The following TMEM132A variants were observed in gnomAD, a reference collection of about 807,000 sequenced individuals.
TMEM132A encodes the protein transmembrane protein 132A.
Under a neutral mutation model 69.9 loss-of-function variants are expected in TMEM132A, and 48 were observed. The ratio of observed to expected loss-of-function variants is 0.69; its 90% CI spans 0.55 to 0.87. The LOEUF (loss-of-function observed/expected upper bound fraction) is 0.87, where lower values mean the gene tolerates loss of function less well. Ranked by LOEUF, TMEM132A falls within the 40% of genes least tolerant of loss-of-function variation. The pLI is 0.00. For synonymous variants in TMEM132A, 577 were observed against 613.7 expected (o/e 0.94, Z 0.88); for missense variants, 1,287 against 1,407.2 (o/e 0.91, Z 1.37).
At chr11:60,930,461 A>G (rs1310880668) in intron 4 of TMEM132A, 49 bp from the exon 5 acceptor site, 1 of 1,519,222 alleles carries the variant, frequency 6.6e-7, no homozygotes, top group African/African-American at 1.4e-5. Flanking sequence ...AATCCAGCCC[A>G]CAGTTCAGCA....
In TMEM132A at chr11:60,930,740, A is replaced by G. The variant is rs1423092819; in HGVS notation, c.1016+81A>G. The G allele has an allele frequency of 5.8e-6, 8 of 1,370,948 alleles. No individual in the cohort carries two copies. In the Admixed American group the frequency reaches 1.0e-4, roughly 18 times the overall value. The allele number at this position is 1,370,948 out of a possible 1,614,324, so 84.9% of individuals were successfully genotyped here. ...CAGTTGAGCAGATTTGGAGGCTGCC[A>G]TGCTGCCTCTAGATCCCCAGGTGAG... On this transcript the variant is annotated intron_variant, in intron 5 of 10. Coordinates refer to ENST00000453848, the MANE Select transcript of TMEM132A (RefSeq NM_178031.3).
chr11:60,935,306 G>T lies in TMEM132A; in HGVS notation c.1891G>T (p.Asp631Tyr). 1 of 1,613,018 alleles carries T rather than the reference G, an allele frequency of 6.2e-7. No individual in the cohort carries two copies. The highest frequency in any genetic ancestry group is 8.5e-7 in the Non-Finnish European group (1 of 1,179,748). The change falls in exon 10 of 11, where the codon GAC becomes TAC. Residue 631 changes from aspartate (D) to tyrosine (Y), a missense_variant. By Grantham distance (160) the Asp-to-Tyr change is radical (BLOSUM62 -3). Transcript: ENST00000453848. This position sits in a 1 kb window ranked among gnomAD's most constrained non-coding sequence, Gnocchi z 5.0. ...GGGGGAGCAGGCGCTGGCTGTGACG[G>T]ACGACAAGGTCTCAGTGCTGGAGCT... Reference protein sequence around the residue: ...ILGEQALAVTDDKVSVLELRV... With the variant: ...ILGEQALAVTYDKVSVLELRV...
chr11:60,927,646 C>A lies in TMEM132A; in HGVS notation c.321C>A (p.Val107=). The part of the protein sequence containing the change: ...SYPPFATQQV[V]PPRVTEPHQR... ...CCCTCTCATTCTCCCTCCAGGTGGT[C>A]CCCCCTCGAGTCACTGAGCCCCACC... The change falls in exon 3 of 11, where the codon GTC becomes GTA. Residue 107 remains valine, a synonymous_variant. Transcript: ENST00000453848. 6.2e-7 allele frequency: 1 copy of A among 1,608,226 alleles called. No homozygotes were observed.
Position 60,936,776 on chromosome 11 carries a change from G to A in TMEM132A, c.2941G>A (p.Val981Ile), listed in dbSNP as rs1430040661. The A allele has an allele frequency of 3.7e-6, 6 of 1,613,118 alleles. No homozygotes were observed. Among genetic ancestry groups the A allele is most frequent in the African/African-American group, 1.3e-5 (1 of 75,010 alleles). Residue 981 changes from valine to isoleucine, a missense_variant, in exon 11 of 11, where the codon GTA becomes ATA. Transcript: ENST00000453848. ...TCCAGCCCAGTCACCTGAGGAGCCTGTAGGGGCCCCTGCTGTGCAGTCCAT... is the reference window on the plus strand; with the variant it reads ...TCCAGCCCAGTCACCTGAGGAGCCTATAGGGGCCCCTGCTGTGCAGTCCAT... Reference protein sequence around the residue: ...APPAQSPEEPVGAPAVQSILV... With the variant: ...APPAQSPEEPIGAPAVQSILV...
chr11:60,932,080 G>A lies in TMEM132A; in HGVS notation c.1309G>A (p.Val437Met), dbSNP rs746470641. ...GGACGGCGGGGGGGCCTTGGTGGAG[G>A]TGACAGAGCATGTCGGCTGCGAGTC... ...TVDGGGALVE[V>M]TEHVGCESAN... The change falls in exon 7 of 11, where the codon GTG (valine) becomes ATG (methionine). Residue 437 changes from valine (V) to methionine (M), a missense_variant. Val to Met is a conservative substitution (Grantham distance 21, BLOSUM62 1). Transcript: ENST00000453848. 1.3e-6 allele frequency: 2 copies of A among 1,576,634 alleles called. No homozygotes were observed. Among genetic ancestry groups the A allele is most frequent in the Non-Finnish European group, 1.7e-6 (2 of 1,164,362 alleles).
At chr11:60,933,774 C>G in intron 8 of TMEM132A, 30 bp downstream of exon 8, 1 of 1,537,408 alleles carries the variant, frequency 6.5e-7, no homozygotes. Context: ...AGCTGGCAGG[C>G]CTTGGCGAGT....
At chr11:60,930,128 GA>G in intron 4 of TMEM132A, among the ~76,000 whole-genome samples, 1 of 152,240 alleles carries the variant, frequency 6.6e-6, no homozygotes, top group East Asian at 1.9e-4. Context: ...AGAGCAGGCT[GA>G]AGGCACAGAC....
intron 3 of TMEM132A, 118 bp downstream of exon 3, chr11:60,927,977 A>G: frequency 1.2e-6 from 1 of 813,884 alleles, no homozygotes; most frequent in Non-Finnish European, 1.9e-6. Flanking sequence ...GGACCACCCG[A>G]CTCCATTTCT....
intron 4 of TMEM132A, among the ~76,000 whole-genome samples, chr11:60,929,340 C>G (rs778554792): frequency 3.3e-5 from 5 of 152,186 alleles, no homozygotes; most frequent in Non-Finnish European, 7.3e-5. Context: ...GGATATTTGC[C>G]CCAATCACGT....
Position 60,935,785 on chromosome 11 carries a change from C to T in TMEM132A, c.2029-79C>T, listed in dbSNP as rs924017024. On this transcript the variant is annotated intron_variant, in intron 10 of 10. Coordinates refer to ENST00000453848, the MANE Select transcript of TMEM132A (RefSeq NM_178031.3). This position sits in a 1 kb window ranked among gnomAD's most constrained non-coding sequence, Gnocchi z 5.0. ...TCTCTCTGGTCTCTCCTCCATGTGG[C>T]CTATCTCTGTGGGAGTGGTTTCTCT... 35 of 1,503,148 alleles carry T rather than the reference C, an allele frequency of 2.3e-5. No homozygotes were observed. Among genetic ancestry groups the T allele is most frequent in the Non-Finnish European group, 2.9e-5 (32 of 1,106,400 alleles). The allele number at this position is 1,503,148 out of a possible 1,614,324, so 93.1% of individuals were successfully genotyped here.
rs1423963220 is a variant in TMEM132A, at chr11:60,935,330, C to T, written c.1915C>T (p.Leu639=). 4 of 1,613,040 alleles carry T rather than the reference C, an allele frequency of 2.5e-6. No individual in the cohort carries two copies. Among genetic ancestry groups the T allele is most frequent in the Non-Finnish European group, 1.7e-6 (2 of 1,179,740 alleles). The change falls in exon 10 of 11, where the codon CTG becomes TTG. Residue 639 remains leucine (L), a synonymous_variant. Transcript: ENST00000453848. This position sits in a 1 kb window ranked among gnomAD's most constrained non-coding sequence, Gnocchi z 5.0. ...GGACGACAAGGTCTCAGTGCTGGAG[C>T]TGAGGGTGCAGCCAGTGATGGGCAT... is the stretch of plus-strand genomic sequence containing the variant. ...VTDDKVSVLE[L]RVQPVMGISL...
chr11:60,937,024 G>C lies in TMEM132A; in HGVS notation c.*117G>C. ...CTTGTTGATCCAAGTCCCCTGCCTGGTCCCCCACAAGGACTCCCATCCAGG... is the reference window on the plus strand; with the variant it reads ...CTTGTTGATCCAAGTCCCCTGCCTGCTCCCCCACAAGGACTCCCATCCAGG... On this transcript the variant is annotated 3_prime_UTR_variant, in exon 11 of 11. Coordinates refer to ENST00000453848, the MANE Select transcript of TMEM132A (RefSeq NM_178031.3). 2 of 1,277,888 alleles carry C rather than the reference G, an allele frequency of 1.6e-6. No individual in the cohort carries two copies. The highest frequency in any genetic ancestry group is 3.1e-5 in the South Asian group (2 of 63,692). 79.2% of individuals were successfully genotyped at this position (1,277,888 alleles called of 1,614,324 possible).
In TMEM132A at chr11:60,934,681, G is replaced by A. The variant is rs1856551286; in HGVS notation, c.1753G>A (p.Ala585Thr). 1 of 1,602,884 alleles carries A rather than the reference G, an allele frequency of 6.2e-7. No homozygotes were observed. Among genetic ancestry groups the A allele is most frequent in the Non-Finnish European group, 8.5e-7 (1 of 1,179,356 alleles). Residue 585 changes from alanine (A) to threonine (T), a missense_variant, in exon 9 of 11, where the codon GCC becomes ACC. Coordinates refer to ENST00000453848, the MANE Select transcript of TMEM132A (RefSeq NM_178031.3). ...LDVSHLVAPH[A>T]RVLDSRVASL... ...CGTGTCCCACCTCGTGGCGCCACAC[G>A]CCCGCGTGCTGGACTCGCGTGTAGC... is the stretch of plus-strand genomic sequence containing the variant.
intron 3 of TMEM132A, 55 bp from the exon 4 acceptor site, chr11:60,928,574 T>C (rs936606657): frequency 8.6e-6 from 13 of 1,519,864 alleles, no homozygotes; most frequent in Non-Finnish European, 1.2e-5. Flanking sequence ...CTGAGAATCC[T>C]GTTCCTCGCC....
chr11:60,924,705 G>A lies in TMEM132A; in HGVS notation c.72G>A (p.Leu24=). ...RGPYGPWLCL[L]VALALDVVRV... ...CCTACGGCCCCTGGCTCTGCCTCCT[G>A]GTGGCCCTCGCCCTGGACGTCGTGA... Residue 24 remains leucine, a synonymous_variant, in exon 1 of 11, where the codon CTG becomes CTA. Coordinates refer to ENST00000453848, the MANE Select transcript of TMEM132A (RefSeq NM_178031.3). 1 of 1,587,676 alleles carries A rather than the reference G, an allele frequency of 6.3e-7. No individual in the cohort carries two copies. The highest frequency in any genetic ancestry group is 8.5e-7 in the Non-Finnish European group (1 of 1,174,274).
chr11:60,927,551 A>G, intron 2 of TMEM132A, 90 bp from the exon 3 acceptor site: 3 of 1,432,002 alleles, frequency 2.1e-6, no homozygotes, highest in Non-Finnish European at 2.9e-6. Context: ...AGGCCCATAA[A>G]GGTTCTCTTC....
In TMEM132A at chr11:60,928,699, G is replaced by T. The variant is rs140412965; in HGVS notation, c.605G>T (p.Arg202Leu). 5.8e-5 allele frequency: 93 copies of T among 1,610,654 alleles called. No individual in the cohort carries two copies. The highest frequency in any genetic ancestry group is 7.6e-5 in the Non-Finnish European group (90 of 1,179,658). The stretch of plus-strand genomic sequence containing the variant: ...TGGTTCTCACAGGCCTCCACCACAC[G>T]GGCCGAGCTGGCCTACACGCTTGAG... ...SHWFSQASTT[R>L]AELAYTLEPA... Residue 202 changes from arginine to leucine, a missense_variant, in exon 4 of 11, where the codon CGG (arginine) becomes CTG (leucine). Transcript: ENST00000453848.
chr11:60,936,526 G>A lies in TMEM132A; in HGVS notation c.2691G>A (p.Trp897Ter), dbSNP rs112750955. The change falls in exon 11 of 11, where the codon TGG becomes TGA. Residue 897 changes from tryptophan (W) to a stop codon, truncating the protein, a stop_gained. Transcript: ENST00000453848. LOFTEE classifies it low-confidence loss of function (END_TRUNC). ...PTSPQPHNWV[W>*]LGTDQEELSR... is the part of the protein sequence containing the mutation. ...CCCCCCAGCCCCACAACTGGGTCTG[G>A]CTGGGCACTGACCAGGAGGAACTGA... 14 of 1,613,568 alleles carry A rather than the reference G, an allele frequency of 8.7e-6. No individual in the cohort carries two copies. The highest frequency in any genetic ancestry group is 1.2e-5 in the Non-Finnish European group (14 of 1,179,978).
At chr11:60,933,456 C>A in intron 7 of TMEM132A, 86 bp from the exon 8 acceptor site, 1 of 1,168,036 alleles carries the variant, frequency 8.6e-7, no homozygotes, top group Non-Finnish European at 1.2e-6. Flanking sequence ...AGTGCTGGGA[C>A]TACAGGCATG....
Sources: gnomAD v4.1 joint callset for allele counts (sites outside exome capture counted in the v4.1 genomes callset) on GRCh38, gnomAD v4.1.1 for gene constraint, Gnocchi (gnomAD v3.1) non-coding constraint, MANE v1.5 for transcripts, NCBI Gene and HGNC (gene_info 2026-07-23, HGNC 2026-07-21) for gene names.